PPARGC1A: variants seen among roughly 807,000 people sequenced by gnomAD.
PPARGC1A encodes the protein peroxisome proliferator-activated receptor gamma coactivator 1-alpha.
A neutral mutation model predicts 88.7 loss-of-function variants in PPARGC1A; 25 were observed. That is an observed-to-expected ratio of 0.28 (90% CI 0.21 to 0.39). The LOEUF is 0.39. Among genes scored for constraint, PPARGC1A ranks in the 10% least tolerant of loss-of-function variants. The probability of loss-of-function intolerance (pLI) is 1.00; values close to 1 mark genes in which losing one functional copy is unlikely to be tolerated. For missense variants in PPARGC1A, 880 were observed against 968.7 expected, an observed-to-expected ratio of 0.91 and a Z score of 1.22; for synonymous variants, 363 against 355.6, an observed-to-expected ratio of 1.02 and a Z score of -0.24.
the PPARGC1A span, among the ~76,000 whole-genome samples, chr4:24,226,289 C>G: frequency 3.3e-5 from 5 of 152,202 alleles, no homozygotes; most frequent in Non-Finnish European, 7.3e-5. Context: ...ACCCAGCCTT[C>G]TGCATCATAC....
At chr4:23,898,618 A>G (rs2148874263) in intron 1 of PPARGC1A, among the ~76,000 whole-genome samples, 1 of 152,348 alleles carries the variant, frequency 6.6e-6, no homozygotes, top group South Asian at 2.1e-4. Flanking sequence ...AGGAAGAAGA[A>G]GCAATAAGAA....
chr4:24,258,282 G>A, the PPARGC1A span: 12 of 789,944 alleles, frequency 1.5e-5, no homozygotes, highest in Non-Finnish European at 1.8e-5. Flanking sequence ...AAGGCAGAGG[G>A]TAAGTTTGTG....
the PPARGC1A span, among the ~76,000 whole-genome samples, chr4:24,255,884 C>T: frequency 7.9e-5 from 12 of 152,140 alleles, no homozygotes; most frequent in Non-Finnish European, 1.5e-4. Flanking sequence ...TAGTACCTAT[C>T]CCATAGGGTT....
upstream of PPARGC1A, among the ~76,000 whole-genome samples, chr4:23,903,487 G>A (rs1380978354): frequency 2.6e-5 from 4 of 152,138 alleles, no homozygotes. Flanking sequence ...TAATGTTTGA[G>A]TAATGTTGAG....
At chr4:24,449,275 C>T in the PPARGC1A span, among the ~76,000 whole-genome samples, 2 of 152,194 alleles carry the variant, frequency 1.3e-5, no homozygotes, top group South Asian at 2.1e-4. Context: ...TCTGCTCACT[C>T]GGCCCCCTGC....
At chr4:24,026,939 A>G in the PPARGC1A span, among the ~76,000 whole-genome samples, 1 of 152,086 alleles carries the variant, frequency 6.6e-6, no homozygotes, top group South Asian at 2.1e-4. Context: ...CTTTCCCTCA[A>G]ATTTTATAAA....
the PPARGC1A span, among the ~76,000 whole-genome samples, chr4:24,175,538 C>CTTTTT: frequency 1.4e-4 from 12 of 84,874 alleles, no homozygotes; most frequent in East Asian, 3.9e-4. Context: ...CCACACCAAG[C>CTTTTT]TTTTTTTTTT....
the PPARGC1A span, among the ~76,000 whole-genome samples, chr4:24,104,519 G>T: frequency 1.3e-5 from 2 of 152,178 alleles, no homozygotes; most frequent in African/African-American, 4.8e-5. Context: ...AAAGGGAGAA[G>T]AGGGAAGCAA....
chr4:24,229,119 AATTGATT>A, the PPARGC1A span, among the ~76,000 whole-genome samples: 1 of 139,046 alleles, frequency 7.2e-6, no homozygotes, highest in Non-Finnish European at 1.5e-5. Flanking sequence ...ATTCAGATTT[AATTGATT>A]ATGGATGAAG....
At chr4:24,381,094 A>C in the PPARGC1A span, among the ~76,000 whole-genome samples, 5 of 152,160 alleles carry the variant, frequency 3.3e-5, no homozygotes, top group Non-Finnish European at 2.9e-5. Context: ...ACAGAGCCTG[A>C]AGAGGAAACA....
At chr4:23,963,133 C>A in the PPARGC1A span, among the ~76,000 whole-genome samples, 14 of 152,138 alleles carry the variant, frequency 9.2e-5, no homozygotes, top group Non-Finnish European at 1.5e-4. Flanking sequence ...CGTGAAAAAA[C>A]CACAATCAAT....
At chr4:23,925,715 A>G in the PPARGC1A span, among the ~76,000 whole-genome samples, 1 of 152,214 alleles carries the variant, frequency 6.6e-6, no homozygotes, top group Non-Finnish European at 1.5e-5. Flanking sequence ...GTAAGATGTG[A>G]GGAGGTATAG....
At chr4:23,895,628 G>A (rs548906067) in intron 1 of PPARGC1A, among the ~76,000 whole-genome samples, 9 of 151,952 alleles carry the variant, frequency 5.9e-5, no homozygotes, top group Non-Finnish European at 7.4e-5. Flanking sequence ...TAACCAAGAC[G>A]ACCGCTTCTA....
the PPARGC1A span, among the ~76,000 whole-genome samples, chr4:23,935,856 T>A: frequency 6.6e-6 from 1 of 151,958 alleles, no homozygotes; most frequent in Non-Finnish European, 1.5e-5. Flanking sequence ...AGCCCTTGTA[T>A]AACAGTAAGA....
At chr4:23,802,395 C>T (rs1718946072) in intron 10 of PPARGC1A, 50 bp from the exon 11 acceptor site, 5 of 1,610,806 alleles carry the variant, frequency 3.1e-6, no homozygotes, top group Non-Finnish European at 4.2e-6. Context: ...AAAGCTAGCC[C>T]TCGGCCGGGC....
the PPARGC1A span, among the ~76,000 whole-genome samples, chr4:24,204,513 G>A: frequency 6.6e-6 from 1 of 151,900 alleles, no homozygotes; most frequent in South Asian, 2.1e-4. Context: ...GAAGAGAGGG[G>A]AGGGCAGGGG....
chr4:23,908,665 G>T (rs575069695), upstream of PPARGC1A, among the ~76,000 whole-genome samples: 1 of 152,240 alleles, frequency 6.6e-6, no homozygotes, highest in South Asian at 2.1e-4. Context: ...CATGAACTCT[G>T]CCTATGAAAT....
chr4:24,101,288 CT>C, the PPARGC1A span, among the ~76,000 whole-genome samples: 2 of 152,188 alleles, frequency 1.3e-5, no homozygotes, highest in African/African-American at 4.8e-5. Context: ...CCTGCTTCTC[CT>C]GCGCCTTCTG....
chr4:24,079,224 A>G, the PPARGC1A span, among the ~76,000 whole-genome samples: 6 of 152,108 alleles, frequency 3.9e-5, no homozygotes, highest in African/African-American at 1.2e-4. Flanking sequence ...GATTTCCAGA[A>G]AGGCAGTAAT....
Sources: gnomAD v4.1 joint callset for allele counts (sites outside exome capture counted in the v4.1 genomes callset) on GRCh38, gnomAD v4.1.1 for gene constraint, MANE v1.5 for transcripts, NCBI Gene and HGNC (gene_info 2026-07-23, HGNC 2026-07-21) for gene names.